SRGAP2: variants seen among roughly 807,000 people sequenced by gnomAD.
SRGAP2 encodes the protein SLIT-ROBO Rho GTPase activating protein 2, also known as SLIT-ROBO Rho GTPase-activating protein 2.
SRGAP2 carries 15 observed loss-of-function variants against 57.2 expected under a neutral mutation model. The observed-to-expected ratio is 0.26, with a 90% CI of 0.18 to 0.40. SRGAP2 has a LOEUF of 0.40. SRGAP2 is among the 10% of genes least tolerant of loss of function. The pLI, the probability that SRGAP2 is intolerant of heterozygous loss-of-function variation, is 1.00. For missense variants in SRGAP2, 520 were observed against 669.6 expected (o/e 0.78, Z 2.47); for synonymous variants, 249 against 248.0 (o/e 1.00, Z -0.04).
chr1:206,311,552 A>T (rs1553324170), intron 3 of SRGAP2, among the ~76,000 whole-genome samples: 2 of 152,260 alleles, frequency 1.3e-5, no homozygotes, highest in Admixed American at 1.3e-4. Context: ...GAAAAGGCTA[A>T]CAGAAGTGAG....
intron 3 of SRGAP2, among the ~76,000 whole-genome samples, chr1:206,333,793 A>G (rs2102885552): frequency 6.6e-6 from 1 of 152,298 alleles, no homozygotes; most frequent in South Asian, 2.1e-4. Context: ...CTAAGCCTAG[A>G]CTCTGGGTCT....
At chr1:206,275,707 C>T (rs1391597438) in intron 2 of SRGAP2, among the ~76,000 whole-genome samples, 406 of 150,270 alleles carry the variant, frequency 2.7e-3, no homozygotes, top group African/African-American at 8.9e-3. Context: ...CTCCGCCTCT[C>T]CCGGGTTCAA....
intron 7 of SRGAP2, among the ~76,000 whole-genome samples, chr1:206,394,471 A>G (rs1571493): frequency 6.6e-6 from 1 of 152,146 alleles, no homozygotes; most frequent in Non-Finnish European, 1.5e-5. Flanking sequence ...AAGGTTTCTC[A>G]GTGTTAACTC....
At position 206,373,991 on chromosome 1, in the gene SRGAP2, G is replaced by A. The variant is rs557596212; in HGVS notation, c.424-10023G>A. 2.1e-4 allele frequency among the ~76,000 whole-genome samples: 31 copies of A among 148,914 alleles called. No homozygotes were observed. The South Asian group carries it at 5.5e-3, about 27-fold the overall frequency. On this transcript the variant is annotated intron_variant, in intron 4 of 22. Coordinates refer to ENST00000573034, the MANE Select transcript of SRGAP2 (RefSeq NM_015326.5). ...CCTAAATGACATATATGGATACTGC[G>A]CCTGACAACTGCGGGTAGATACACA...
rs1305777219 is a variant in SRGAP2, at chr1:206,454,514, G to A, written c.2361-364G>A. 14 of 416,112 alleles carry A rather than the reference G, an allele frequency of 3.4e-5. No homozygotes were observed. In the South Asian group the frequency reaches 4.3e-4, roughly 13 times the overall value. 25.8% of individuals were successfully genotyped at this position (416,112 alleles called of 1,614,324 possible). On this transcript the variant is annotated intron_variant, in intron 20 of 22. Transcript: ENST00000573034. The surrounding 1 kb of genome is among the most constrained non-coding windows in gnomAD (Gnocchi z 4.3). ...CCCGGCAGTGCTCAGGACCTCAGCCGATAAACCACAACCTGGACTTGCCGC... is the reference window on the plus strand; with the variant it reads ...CCCGGCAGTGCTCAGGACCTCAGCCAATAAACCACAACCTGGACTTGCCGC...
At position 206,332,235 on chromosome 1, in the gene SRGAP2, C is replaced by T. The variant is rs1301130706; in HGVS notation, c.261-10611C>T. ...AACCCGACCTTTCTCTCTGGCTGCC[C>T]TTAACATTTTTCCCTTCATTTCAAC... On this transcript the variant is annotated intron_variant, in intron 3 of 22. Coordinates refer to ENST00000573034, the MANE Select transcript of SRGAP2 (RefSeq NM_015326.5). 5.0e-5 allele frequency among the ~76,000 whole-genome samples: 6 copies of T among 119,866 alleles called. No homozygotes were observed. The South Asian group carries it at 2.0e-3, about 39-fold the overall frequency. 78.6% of individuals were successfully genotyped at this position (119,866 alleles called of 152,430 possible).
At chr1:206,450,587 C>G (rs1233648987) in intron 19 of SRGAP2, 122 bp downstream of exon 19, 3 of 621,858 alleles carry the variant, frequency 4.8e-6, no homozygotes, top group East Asian at 2.8e-5. Flanking sequence ...AGGCAGAGAG[C>G]TCCCTGTCTC....
intron 2 of SRGAP2, among the ~76,000 whole-genome samples, chr1:206,239,076 T>C (rs1365476346): frequency 1.1e-4 from 16 of 151,820 alleles, no homozygotes; most frequent in Admixed American, 1.1e-3. Flanking sequence ...TATGGTCTTT[T>C]GTCCTTCCAC....
rs537295414 is a variant in SRGAP2 at position 206,442,874 on chromosome 1, C to T, written c.1874+2793C>T. 5.9e-4 allele frequency among the ~76,000 whole-genome samples: 90 copies of T among 152,262 alleles called. 1 individual carries two copies. The highest frequency in any genetic ancestry group is 6.8e-3 in the Middle Eastern group (2 of 294). On this transcript the variant is annotated intron_variant, in intron 17 of 22. Transcript: ENST00000573034. ...ATGCAGACTCTGCCTGGGCCCAGAC[C>T]ATCAGGACCCTTTTTCTTCATTGCT... is the stretch of plus-strand genomic sequence containing the variant.
chr1:206,267,062 G>A (rs1446809368), intron 2 of SRGAP2, among the ~76,000 whole-genome samples: 18 of 145,496 alleles, frequency 1.2e-4, no homozygotes, highest in African/African-American at 4.3e-4. Context: ...TCCGCCTCCC[G>A]GGTTCACACC....
At chr1:206,324,415 C>A (rs1673712819) in intron 3 of SRGAP2, among the ~76,000 whole-genome samples, 2 of 152,214 alleles carry the variant, frequency 1.3e-5, no homozygotes, top group Admixed American at 1.3e-4. Context: ...CTTTTAAAAT[C>A]TTCCATCTAG....
chr1:206,350,909 G>A (rs1307617149), intron 4 of SRGAP2, among the ~76,000 whole-genome samples: 6 of 152,156 alleles, frequency 3.9e-5, no homozygotes, highest in African/African-American at 1.4e-4. Flanking sequence ...CCGGGGCCTT[G>A]GAGATGTTAA....
chr1:206,424,734 C>G (rs1660642457), intron 13 of SRGAP2, among the ~76,000 whole-genome samples: 1 of 152,214 alleles, frequency 6.6e-6, no homozygotes, highest in Non-Finnish European at 1.5e-5. Flanking sequence ...CTTCGTGGCA[C>G]CACAGGAGTG....
Position 206,440,073 on chromosome 1 carries a change from C to T in SRGAP2, c.1866C>T (p.Phe622=), listed in dbSNP as rs1553371458. 5.1e-6 allele frequency: 4 copies of T among 780,860 alleles called. No homozygotes were observed. The Admixed American group carries it at 6.8e-5, about 13-fold the overall frequency. The allele number at this position is 780,860 out of a possible 1,614,324, so 48.4% of individuals were successfully genotyped here. A position where few individuals can be genotyped will look rare whatever the true frequency, so the allele number is the denominator to read the frequency against. Residue 622 remains phenylalanine, a synonymous_variant, in exon 17 of 23, where the codon TTC becomes TTT. Transcript: ENST00000573034. ...TTATCATGAGATACCTCTTTGCCTT[C>T]CTCAATCAGTGAGTAGCCTTCCCAG... The part of the protein sequence containing the change: ...TLIIMRYLFA[F]LNHLSQFSEE...
chr1:206,340,201 G>T (rs1200321103), intron 3 of SRGAP2, among the ~76,000 whole-genome samples: 1 of 148,094 alleles, frequency 6.8e-6, no homozygotes, highest in Admixed American at 6.7e-5. Flanking sequence ...TTTCTTTTGA[G>T]GACACCCTGG....
intron 4 of SRGAP2, among the ~76,000 whole-genome samples, chr1:206,358,361 A>C (rs2102981977): frequency 6.7e-6 from 1 of 149,478 alleles, no homozygotes; most frequent in South Asian, 2.1e-4. Flanking sequence ...GCCTTCGCCC[A>C]GCTAGGGTGG....
At chr1:206,263,315 T>C (rs1480023884) in intron 2 of SRGAP2, among the ~76,000 whole-genome samples, 1 of 145,258 alleles carries the variant, frequency 6.9e-6, no homozygotes, top group Non-Finnish European at 1.5e-5. Flanking sequence ...CTTACTCACA[T>C]CTATTTCCTT....
intron 12 of SRGAP2, among the ~76,000 whole-genome samples, chr1:206,420,863 C>T (rs1461891486): frequency 1.3e-5 from 2 of 152,108 alleles, no homozygotes; most frequent in South Asian, 4.1e-4. Context: ...AAAAAGCATC[C>T]TTTGGTGTTT....
intron 10 of SRGAP2, among the ~76,000 whole-genome samples, chr1:206,414,686 C>T (rs1357783301): frequency 1.3e-5 from 2 of 152,046 alleles, no homozygotes; most frequent in African/African-American, 2.4e-5. Flanking sequence ...AGTCCAAAGG[C>T]CTTAGATTGG....
Sources: allele counts gnomAD v4.1 joint callset (sites outside exome capture counted in the v4.1 genomes callset), GRCh38; gene constraint gnomAD v4.1.1; non-coding constraint Gnocchi (gnomAD v3.1); transcripts MANE v1.5; gene names NCBI Gene and HGNC (gene_info 2026-07-23, HGNC 2026-07-21).